ZHX2: variants seen among roughly 807,000 people sequenced by gnomAD.
ZHX2 encodes zinc fingers and homeoboxes protein 2.
ZHX2 carries 6 observed loss-of-function variants against 21.9 expected under a neutral mutation model. The observed-to-expected ratio is 0.27, with a 90% CI of 0.15 to 0.54. The LOEUF (loss-of-function observed/expected upper bound fraction) is 0.54. ZHX2 is among the 20% of genes least tolerant of loss of function. The pLI is 0.95. For missense variants in ZHX2, 908 were observed against 1,090.7 expected, an observed-to-expected ratio of 0.83 and a Z score of 2.36; for synonymous variants, 434 against 437.1, an observed-to-expected ratio of 0.99 and a Z score of 0.09.
intron 2 of ZHX2, among the ~76,000 whole-genome samples, chr8:122,884,700 T>C (rs540354418): frequency 1.1e-4 from 16 of 152,260 alleles, no homozygotes; most frequent in African/African-American, 1.9e-4. Flanking sequence ...ACTGGTAGAA[T>C]CAGGAACATG....
Position 122,953,180 on chromosome 8 carries a change from C to G in ZHX2, c.1670C>G (p.Ala557Gly). ...TTGAAAAGTTCTTTTCCTACCCAAG[C>G]AGAACTGGATCGGCTAAGGGTGGAG... ...SFLKSSFPTQ[A>G]ELDRLRVETK... The change falls in exon 3 of 4, where the codon GCA (alanine) becomes GGA (glycine). Residue 557 changes from alanine to glycine, a missense_variant. By Grantham distance (60) the Ala-to-Gly change is moderately conservative. Around this residue, in one of 4 missense-constraint regions of ZHX2, gnomAD observed 431 missense variants for 428.6 expected, o/e 1.01. Coordinates refer to ENST00000314393, the MANE Select transcript of ZHX2 (RefSeq NM_014943.5). This position sits in a 1 kb window ranked among gnomAD's most constrained non-coding sequence, Gnocchi z 4.6. 1 of 1,613,708 alleles carries G rather than the reference C, an allele frequency of 6.2e-7. No homozygotes were observed. Among genetic ancestry groups the G allele is most frequent in the Non-Finnish European group, 8.5e-7 (1 of 1,179,982 alleles).
At chr8:122,934,657 A>G (rs1446785025) in intron 2 of ZHX2, among the ~76,000 whole-genome samples, 18 of 117,002 alleles carry the variant, frequency 1.5e-4, no homozygotes, top group African/African-American at 7.4e-4. Context: ...CTTCTTTATT[A>G]CCTTCCTTCC....
At chr8:122,924,442 A>G (rs893296721) in intron 2 of ZHX2, among the ~76,000 whole-genome samples, 1 of 152,152 alleles carries the variant, frequency 6.6e-6, no homozygotes, top group Non-Finnish European at 1.5e-5. Context: ...TAAAGACCCT[A>G]TTTCCAAATA....
chr8:122,809,662 C>T (rs1024220059), intron 1 of ZHX2, among the ~76,000 whole-genome samples: 3 of 152,150 alleles, frequency 2.0e-5, no homozygotes, highest in African/African-American at 7.2e-5. Context: ...ACCAATGTGC[C>T]TGAGGGGACC....
intron 2 of ZHX2, among the ~76,000 whole-genome samples, chr8:122,941,120 G>A (rs1812834078): frequency 6.6e-6 from 1 of 151,704 alleles, no homozygotes; most frequent in Non-Finnish European, 1.5e-5. Flanking sequence ...GGTGGCATGT[G>A]CCTGTAGTCC....
At chr8:122,790,075 T>C (rs374468379) in intron 1 of ZHX2, among the ~76,000 whole-genome samples, 2 of 152,168 alleles carry the variant, frequency 1.3e-5, no homozygotes, top group Non-Finnish European at 1.5e-5. Flanking sequence ...TTTGGCACTT[T>C]TAGAATAGGA....
chr8:122,875,089 T>C (rs1399607450), intron 2 of ZHX2, among the ~76,000 whole-genome samples: 1 of 144,954 alleles, frequency 6.9e-6, no homozygotes, highest in Non-Finnish European at 1.5e-5. Context: ...CTCTTTTTTA[T>C]GCTTGTCTTC....
chr8:122,796,169 T>C (rs1817609935), intron 1 of ZHX2, among the ~76,000 whole-genome samples: 1 of 113,834 alleles, frequency 8.8e-6, no homozygotes, highest in African/African-American at 3.4e-5. Flanking sequence ...AGACTCCATC[T>C]CAAAAAAAAA....
rs556356060 is a variant in ZHX2, at chr8:122,799,920, G to A, written c.-283+17974G>A. Among the ~76,000 whole-genome samples the A allele has an allele frequency of 7.2e-5, 11 of 152,264 alleles. No individual in the cohort carries two copies. In the South Asian group the frequency reaches 2.1e-3, roughly 29 times the overall value. The stretch of plus-strand genomic sequence containing the variant: ...CTCTTGTTGCCCAGGCTGGAGGGCA[G>A]TGGTGTGACCTTAGCTCACTGCAAC... On this transcript the variant is annotated intron_variant, in intron 1 of 3. Transcript: ENST00000314393.
intron 2 of ZHX2, among the ~76,000 whole-genome samples, chr8:122,906,700 T>G (rs1820356658): frequency 6.7e-6 from 1 of 148,782 alleles, no homozygotes; most frequent in South Asian, 2.2e-4. Context: ...AGACAGAGTC[T>G]TGCTCTGTCA....
rs370341779 is a variant in ZHX2 at position 122,954,066 on chromosome 8, G to A, written c.*4+38G>A. 1.7e-5 allele frequency: 26 copies of A among 1,512,946 alleles called. No homozygotes were observed. In the African/African-American group the frequency reaches 1.8e-4, roughly 11 times the overall value. 93.7% of individuals were successfully genotyped at this position (1,512,946 alleles called of 1,614,324 possible). Reference sequence around the variant, plus strand: ...GCTCACCCAGGCAGCAGGGGAGAACGCAGCTTGCTTTCTTTTCGTTGCCAG... The same window carrying A: ...GCTCACCCAGGCAGCAGGGGAGAACACAGCTTGCTTTCTTTTCGTTGCCAG... On this transcript the variant is annotated intron_variant, in intron 3 of 3. Coordinates refer to ENST00000314393, the MANE Select transcript of ZHX2 (RefSeq NM_014943.5).
At chr8:122,969,324 A>G (rs1813663273) in intron 3 of ZHX2, among the ~76,000 whole-genome samples, 1 of 152,168 alleles carries the variant, frequency 6.6e-6, no homozygotes. Flanking sequence ...GTTGTACAAC[A>G]TAGTGCCTGT....
Position 122,782,094 on chromosome 8 carries a change from G to C in ZHX2, c.-283+148G>C, listed in dbSNP as rs564364850. 7.3e-6 allele frequency: 1 copy of C among 137,608 alleles called. No individual in the cohort carries two copies. The highest frequency in any genetic ancestry group is 2.8e-4 in the South Asian group (1 of 3,550). The allele number at this position is 137,608 out of a possible 1,614,324, so 8.5% of individuals were successfully genotyped here. A position where few individuals can be genotyped will look rare whatever the true frequency, so the allele number is the denominator to read the frequency against. ...GAAAATGTGTTGTTAATGGGACTTGGCCGGGTTTGTGATTGGAAGGGGGGT... is the reference window on the plus strand; with the variant it reads ...GAAAATGTGTTGTTAATGGGACTTGCCCGGGTTTGTGATTGGAAGGGGGGT... On this transcript the variant is annotated intron_variant, in intron 1 of 3. Transcript: ENST00000314393. The surrounding 1 kb of genome is among the most constrained non-coding windows in gnomAD (Gnocchi z 5.3).
chr8:122,951,891 C>A lies in ZHX2; in HGVS notation c.381C>A (p.Asp127Glu), dbSNP rs747512803. The change falls in exon 3 of 4, where the codon GAC (aspartate) becomes GAA (glutamate). Residue 127 changes from aspartate to glutamate, a missense_variant. Asp to Glu is a conservative substitution (Grantham distance 45). This residue lies in a region of ZHX2 where 220 missense variants were observed against 251.4 expected (regional missense o/e 0.88). Coordinates refer to ENST00000314393, the MANE Select transcript of ZHX2 (RefSeq NM_014943.5). ...CCAAAAAGTACGACTCCCTATCCGA[C>A]CACAACTCCAAGTTCCATCCCGGGG... The part of the protein sequence containing the change: ...FTTKKYDSLS[D>E]HNSKFHPGEA... 6.2e-7 allele frequency: 1 copy of A among 1,614,138 alleles called. No homozygotes were observed. Among genetic ancestry groups the A allele is most frequent in the East Asian group, 2.2e-5 (1 of 44,880 alleles).
Position 122,929,794 on chromosome 8 carries a change from A to G in ZHX2, c.-219-21498A>G, listed in dbSNP as rs528174725. Among the ~76,000 whole-genome samples, 8 of 152,292 alleles carry G rather than the reference A, an allele frequency of 5.3e-5. No individual in the cohort carries two copies. The South Asian group carries it at 1.7e-3, about 32-fold the overall frequency. On this transcript the variant is annotated intron_variant, in intron 2 of 3. Coordinates refer to ENST00000314393, the MANE Select transcript of ZHX2 (RefSeq NM_014943.5). Reference sequence around the variant, plus strand: ...TAGCTCACACTCAGTCTCAAAATCTATGGAGTACACAGGTTACCAGTATAA... The same window carrying G: ...TAGCTCACACTCAGTCTCAAAATCTGTGGAGTACACAGGTTACCAGTATAA...
intron 2 of ZHX2, among the ~76,000 whole-genome samples, chr8:122,864,841 G>C (rs1275903511): frequency 6.6e-6 from 1 of 152,202 alleles, no homozygotes; most frequent in African/African-American, 2.4e-5. Context: ...CACCCATTGC[G>C]CTTGGGAGGG....
intron 1 of ZHX2, among the ~76,000 whole-genome samples, chr8:122,815,055 G>T (rs915366270): frequency 6.6e-6 from 1 of 152,194 alleles, no homozygotes; most frequent in African/African-American, 2.4e-5. Flanking sequence ...TATAGATGAT[G>T]AGCATCTTAA....
intron 1 of ZHX2, among the ~76,000 whole-genome samples, chr8:122,811,561 A>G (rs974053688): frequency 1.3e-5 from 2 of 152,222 alleles, no homozygotes; most frequent in African/African-American, 4.8e-5. Context: ...ACCCAGGGCC[A>G]AGGCCACTGC....
At chr8:122,861,630 T>C (rs929244659) in intron 1 of ZHX2, among the ~76,000 whole-genome samples, 1 of 152,140 alleles carries the variant, frequency 6.6e-6, no homozygotes, top group African/African-American at 2.4e-5. Context: ...GTCCCCCTCC[T>C]CATCAGGAGC....
Sources: allele counts gnomAD v4.1 joint callset (sites outside exome capture counted in the v4.1 genomes callset), GRCh38; gene constraint gnomAD v4.1.1; regional missense constraint gnomAD v4.1.1; non-coding constraint Gnocchi (gnomAD v3.1); transcripts MANE v1.5; gene names NCBI Gene and HGNC (gene_info 2026-07-23, HGNC 2026-07-21).